CHD2: variants seen among roughly 807,000 people sequenced by gnomAD.
CHD2 encodes chromodomain helicase DNA binding protein 2.
Under a neutral mutation model 243.9 loss-of-function variants are expected in CHD2, and 28 were observed. That is an observed-to-expected ratio of 0.11 (90% CI 0.09 to 0.16). The LOEUF is 0.16. CHD2 is among the 10% of genes least tolerant of loss of function. The pLI, the probability that CHD2 is intolerant of heterozygous loss-of-function variation, is 1.00. For missense variants in CHD2, 1,386 were observed against 2,209.8 expected, an observed-to-expected ratio of 0.63 and a Z score of 7.47; for synonymous variants, 775 against 779.0, an observed-to-expected ratio of 0.99 and a Z score of 0.09.
chr15:93,019,843 A>G (rs1307835178), intron 37 of CHD2, among the ~76,000 whole-genome samples, 169 bp from the exon 38 acceptor site: 1 of 152,076 alleles, frequency 6.6e-6, no homozygotes, highest in African/African-American at 2.4e-5. Context: ...CTGAGGCACG[A>G]GAATCGCTTG....
At chr15:92,972,480 A>G (rs181432825) in intron 19 of CHD2, 63 bp downstream of exon 19, 28 of 1,379,878 alleles carry the variant, frequency 2.0e-5, no homozygotes, top group East Asian at 7.2e-5. Flanking sequence ...CCCCTCCCCA[A>G]CCTTCCTACA....
intron 14 of CHD2, 58 bp from the exon 15 acceptor site, chr15:92,955,365 A>T: frequency 9.9e-7 from 1 of 1,010,804 alleles, no homozygotes; most frequent in Non-Finnish European, 1.4e-6. Context: ...CACAAAACTT[A>T]TGTGATATAG....
chr15:92,955,207 A>G (rs927762716), intron 14 of CHD2, among the ~76,000 whole-genome samples: 2 of 152,332 alleles, frequency 1.3e-5, no homozygotes, highest in African/African-American at 4.8e-5. Context: ...GATTCTGGCA[A>G]TAAAGCTTTT....
At chr15:92,991,453 T>C (rs139082668) in intron 26 of CHD2, 23 bp from the exon 27 acceptor site, 2 of 1,565,784 alleles carry the variant, frequency 1.3e-6, no homozygotes, top group Middle Eastern at 1.7e-4. Flanking sequence ...TTTTTTAATA[T>C]GTTTTATTGA....
chr15:93,009,341 G>C lies in CHD2; in HGVS notation c.4592+18G>C, dbSNP rs116022337. 2 of 1,607,824 alleles carry C rather than the reference G, an allele frequency of 1.2e-6. No homozygotes were observed. Among genetic ancestry groups the C allele is most frequent in the East Asian group, 4.5e-5 (2 of 44,742 alleles). On this transcript the variant is annotated intron_variant, in intron 35 of 38. Transcript: ENST00000394196. ...TGGAGGAGGTAACCACTTTGGCCTCGTCTGCCCAGTTTGATTTGACTGAGT... is the reference window on the plus strand; with the variant it reads ...TGGAGGAGGTAACCACTTTGGCCTCCTCTGCCCAGTTTGATTTGACTGAGT...
At chr15:93,019,570 G>A (rs993086091) in intron 37 of CHD2, among the ~76,000 whole-genome samples, 3 of 152,220 alleles carry the variant, frequency 2.0e-5, no homozygotes, top group African/African-American at 7.2e-5. Context: ...CAGCAAAGTA[G>A]TGCTTACTTC....
At chr15:92,957,053 A>G (rs897686050) in intron 16 of CHD2, among the ~76,000 whole-genome samples, 1 of 152,250 alleles carries the variant, frequency 6.6e-6, no homozygotes. Flanking sequence ...TTCACGTATT[A>G]TTAAAGAACT....
At chr15:92,907,992 CCTCT>C (rs1406905439) in intron 2 of CHD2, among the ~76,000 whole-genome samples, 1 of 149,792 alleles carries the variant, frequency 6.7e-6, no homozygotes, top group Non-Finnish European at 1.5e-5. Context: ...TACAGTTCAT[CCTCT>C]CTTAGAATTT....
At position 92,997,269 on chromosome 15, in the gene CHD2, C is replaced by T. The variant is rs2054200484; in HGVS notation, c.3751C>T (p.Arg1251Cys). The T allele has an allele frequency of 3.7e-6, 6 of 1,613,986 alleles. No homozygotes were observed. The highest frequency in any genetic ancestry group is 5.1e-6 in the Non-Finnish European group (6 of 1,179,986). Residue 1251 changes from arginine to cysteine, a missense_variant, in exon 30 of 39, where the codon CGT becomes TGT. This residue lies in a region of CHD2 where 99 missense variants were observed against 176.9 expected (regional missense o/e 0.56). Transcript: ENST00000394196. The surrounding 1 kb of genome is among the most constrained non-coding windows in gnomAD (Gnocchi z 4.1). The part of the protein sequence containing the change: ...EEKKKYCLTC[R>C]VKAAHFDVEW... ...TTTCTTTAGATACTGCTTAACCTGT[C>T]GTGTCAAAGCTGCACATTTTGATGT...
At chr15:92,971,083 C>T (rs2053834846) in intron 17 of CHD2, among the ~76,000 whole-genome samples, 1 of 152,158 alleles carries the variant, frequency 6.6e-6, no homozygotes. Context: ...TATTTAACCT[C>T]ATAATGTTAG....
At chr15:92,933,558 C>T (rs922065786) in intron 5 of CHD2, among the ~76,000 whole-genome samples, 3 of 152,016 alleles carry the variant, frequency 2.0e-5, no homozygotes, top group Non-Finnish European at 4.4e-5. Flanking sequence ...ATCCAAATTG[C>T]GCAGTGTTGT....
At chr15:92,964,018 C>CT (rs2053723384) in intron 16 of CHD2, among the ~76,000 whole-genome samples, 1 of 152,224 alleles carries the variant, frequency 6.6e-6, no homozygotes, top group African/African-American at 2.4e-5. Context: ...TCATAATTAG[C>CT]TTTTTCCTGC....
chr15:92,985,706 T>C, intron 26 of CHD2, 33 bp downstream of exon 26: 1 of 1,589,022 alleles, frequency 6.3e-7, no homozygotes, highest in South Asian at 1.1e-5. Flanking sequence ...CTGAGCTTGT[T>C]TGAAAGTGCG....
chr15:92,977,407 C>G (rs1371173258), intron 20 of CHD2, among the ~76,000 whole-genome samples: 5 of 152,202 alleles, frequency 3.3e-5, no homozygotes, highest in Non-Finnish European at 7.3e-5. Context: ...AGATGGAACT[C>G]AGGACTACCA....
intron 2 of CHD2, among the ~76,000 whole-genome samples, chr15:92,917,904 G>A (rs1251148196): frequency 1.3e-5 from 2 of 152,216 alleles, no homozygotes; most frequent in Non-Finnish European, 2.9e-5. Context: ...ATCACTGGCA[G>A]GAAGTTAGCC....
At chr15:92,981,122 T>G (rs2053974632) in intron 23 of CHD2, among the ~76,000 whole-genome samples, 1 of 152,180 alleles carries the variant, frequency 6.6e-6, no homozygotes, top group East Asian at 1.9e-4. Context: ...TTTTGGGTTG[T>G]TTTTTTCTCC....
intron 33 of CHD2, 84 bp from the exon 34 acceptor site, chr15:93,004,533 A>T: frequency 7.7e-7 from 1 of 1,294,546 alleles, no homozygotes; most frequent in Non-Finnish European, 1.0e-6. Flanking sequence ...TACCCATTTT[A>T]ATAACACAAC....
chr15:92,958,406 T>C (rs1195045375), intron 16 of CHD2, among the ~76,000 whole-genome samples: 2 of 152,228 alleles, frequency 1.3e-5, no homozygotes, highest in Admixed American at 1.3e-4. Context: ...TTGGTGAAAT[T>C]TCTATTCAAA....
Position 92,900,762 on chromosome 15 carries a change from TG to T in CHD2, c.-131del. ...GATTTTGCCTTTATTTTTAATTATT[TG>T]GGATCTGATATTTTTCTACTAGTAG... is the stretch of plus-strand genomic sequence containing the variant. On this transcript the variant is annotated 5_prime_UTR_variant, in exon 1 of 39. Coordinates refer to ENST00000394196, the MANE Select transcript of CHD2 (RefSeq NM_001271.4). 2.5e-6 allele frequency: 1 copy of T among 396,410 alleles called. No individual in the cohort carries two copies. Among genetic ancestry groups the T allele is most frequent in the Non-Finnish European group, 4.4e-6 (1 of 225,308 alleles). The allele number at this position is 396,410 out of a possible 1,614,324, so 24.6% of individuals were successfully genotyped here.
Sources: allele counts gnomAD v4.1 joint callset (sites outside exome capture counted in the v4.1 genomes callset), GRCh38; gene constraint gnomAD v4.1.1; regional missense constraint gnomAD v4.1.1; non-coding constraint Gnocchi (gnomAD v3.1); transcripts MANE v1.5; gene names NCBI Gene and HGNC (gene_info 2026-07-23, HGNC 2026-07-21).